The following TENM3 variants were observed in gnomAD, a reference collection of about 807,000 sequenced individuals.
TENM3 encodes teneurin transmembrane protein 3, also known as teneurin-3.
In TENM3, 63 loss-of-function variants were observed where a neutral mutation model predicts 255.1. The ratio of observed to expected loss-of-function variants is 0.25; its 90% CI spans 0.20 to 0.30. TENM3 has a LOEUF of 0.30. TENM3 is among the 10% of genes least tolerant of loss of function. The pLI, the probability that TENM3 is intolerant of heterozygous loss-of-function variation, is 1.00. For synonymous variants in TENM3, 1,306 were observed against 1,322.3 expected, an observed-to-expected ratio of 0.99 and a Z score of 0.27; for missense variants, 2,929 against 3,461.1, an observed-to-expected ratio of 0.85 and a Z score of 3.86.
chr4:181,899,275 G>A, the TENM3 span, among the ~76,000 whole-genome samples: 1 of 151,990 alleles, frequency 6.6e-6, no homozygotes, highest in Non-Finnish European at 1.5e-5. Flanking sequence ...TGTTATCTCA[G>A]AAGTTAAAAG....
the TENM3 span, among the ~76,000 whole-genome samples, chr4:181,855,501 G>A: frequency 2.5e-4 from 38 of 152,114 alleles, no homozygotes; most frequent in African/African-American, 8.7e-4. Flanking sequence ...TCCCAAGTAC[G>A]TTATTTTTGG....
intron 7 of TENM3, among the ~76,000 whole-genome samples, chr4:182,675,177 G>T (rs1403053449): frequency 1.3e-5 from 2 of 151,982 alleles, no homozygotes; most frequent in Non-Finnish European, 2.9e-5. Context: ...CACCCAGCCA[G>T]TCTAGACCAT....
At chr4:181,760,455 G>T in the TENM3 span, among the ~76,000 whole-genome samples, 8 of 152,048 alleles carry the variant, frequency 5.3e-5, no homozygotes, top group African/African-American at 1.9e-4. Context: ...AATAGACCAC[G>T]ATTGTGTAAT....
At chr4:181,676,524 T>G in the TENM3 span, among the ~76,000 whole-genome samples, 1 of 151,116 alleles carries the variant, frequency 6.6e-6, no homozygotes, top group Non-Finnish European at 1.5e-5. Context: ...CTCCCCCTCC[T>G]CTCCCTCTCC....
At chr4:182,517,218 G>A (rs1485347446) in intron 3 of TENM3, among the ~76,000 whole-genome samples, 1 of 152,002 alleles carries the variant, frequency 6.6e-6, no homozygotes, top group Non-Finnish European at 1.5e-5. Context: ...AGTTGGAGAC[G>A]CTTATGGAAA....
intron 11 of TENM3, among the ~76,000 whole-genome samples, chr4:182,684,807 A>G (rs1756450290): frequency 6.6e-6 from 1 of 152,246 alleles, no homozygotes; most frequent in African/African-American, 2.4e-5. Context: ...AAAGTTATGA[A>G]ATGCAAATTG....
At chr4:181,524,738 T>C in the TENM3 span, among the ~76,000 whole-genome samples, 2 of 152,254 alleles carry the variant, frequency 1.3e-5, no homozygotes, top group South Asian at 2.1e-4. Flanking sequence ...TTTTGTTTTC[T>C]GTGCTTGGAG....
At chr4:182,292,852 C>A (rs879646369) in intron 1 of TENM3, among the ~76,000 whole-genome samples, 4 of 152,156 alleles carry the variant, frequency 2.6e-5, no homozygotes, top group Admixed American at 1.3e-4. Context: ...CAAAGGTTTT[C>A]CATAAGGAAG....
intron 3 of TENM3, among the ~76,000 whole-genome samples, chr4:182,491,009 A>G (rs1431034559): frequency 6.6e-6 from 1 of 152,208 alleles, no homozygotes; most frequent in Non-Finnish European, 1.5e-5. Context: ...CATATCTACT[A>G]TTTCAGAACA....
At chr4:181,473,341 A>C in the TENM3 span, among the ~76,000 whole-genome samples, 1 of 152,078 alleles carries the variant, frequency 6.6e-6, no homozygotes, top group East Asian at 1.9e-4. Context: ...GTAATCCAGC[A>C]CTTCAGGAGG....
At chr4:181,860,688 C>T in the TENM3 span, among the ~76,000 whole-genome samples, 1 of 152,170 alleles carries the variant, frequency 6.6e-6, no homozygotes, top group Admixed American at 6.5e-5. Flanking sequence ...AAAATTTTCA[C>T]ACATAATATA....
upstream of TENM3, among the ~76,000 whole-genome samples, chr4:182,140,947 C>A (rs1296867243): frequency 6.6e-6 from 1 of 152,062 alleles, no homozygotes; most frequent in African/African-American, 2.4e-5. Context: ...AACCTGTCTC[C>A]TCTTCCCCAA....
the TENM3 span, among the ~76,000 whole-genome samples, chr4:181,921,912 A>G: frequency 6.6e-6 from 1 of 152,206 alleles, no homozygotes; most frequent in Non-Finnish European, 1.5e-5. Context: ...ACGTCCCATC[A>G]ATACCTAATT....
the TENM3 span, among the ~76,000 whole-genome samples, chr4:181,927,401 C>A: frequency 6.6e-6 from 1 of 152,208 alleles, no homozygotes; most frequent in Admixed American, 6.5e-5. Flanking sequence ...TAAATAAAGC[C>A]GCCAGGGAGT....
the TENM3 span, among the ~76,000 whole-genome samples, chr4:182,066,778 G>T: frequency 1.7e-4 from 26 of 152,050 alleles, no homozygotes; most frequent in Non-Finnish European, 2.6e-4. Context: ...GGGCGTGGTG[G>T]CAGGCGCCTG....
chr4:181,584,667 C>T, the TENM3 span, among the ~76,000 whole-genome samples: 1 of 152,200 alleles, frequency 6.6e-6, no homozygotes, highest in South Asian at 2.1e-4. Context: ...TACCCCAGGA[C>T]TCAAACTTTC....
the TENM3 span, among the ~76,000 whole-genome samples, chr4:181,878,903 C>T: frequency 6.6e-6 from 1 of 152,128 alleles, no homozygotes; most frequent in Non-Finnish European, 1.5e-5. Context: ...TATGAATGCT[C>T]TTTGTCTATT....
chr4:182,301,942 C>T lies in TENM3; in HGVS notation c.-75-22004C>T, dbSNP rs183653253. Reference sequence around the variant, plus strand: ...TCAGTGGCTGTGCTTCCTTGGGACACGCTCGGGTGCCTTCTGGGTTTCCAT... The same window carrying T: ...TCAGTGGCTGTGCTTCCTTGGGACATGCTCGGGTGCCTTCTGGGTTTCCAT... On this transcript the variant is annotated intron_variant, in intron 1 of 27. Transcript: ENST00000511685. 1.7e-3 allele frequency among the ~76,000 whole-genome samples: 262 copies of T among 152,270 alleles called. 1 individual carries two copies. The highest frequency in any genetic ancestry group is 3.0e-3 in the Non-Finnish European group (202 of 68,028).
At chr4:182,341,940 C>G (rs1285709763) in intron 2 of TENM3, among the ~76,000 whole-genome samples, 1 of 152,156 alleles carries the variant, frequency 6.6e-6, no homozygotes, top group Non-Finnish European at 1.5e-5. Context: ...ATTGCGAACT[C>G]CAAGTCCCAC....
Sources: allele counts gnomAD v4.1 joint callset (sites outside exome capture counted in the v4.1 genomes callset), GRCh38; gene constraint gnomAD v4.1.1; transcripts MANE v1.5; gene names NCBI Gene and HGNC (gene_info 2026-07-23, HGNC 2026-07-21).